Variants in CASP5 observed in about 807,000 individuals in gnomAD.
CASP5 encodes the protein caspase 5, also known as caspase-5.
Under a neutral mutation model 45.2 loss-of-function variants are expected in CASP5, and 42 were observed. The observed-to-expected ratio is 0.93, with a 90% CI of 0.73 to 1.20. The LOEUF (loss-of-function observed/expected upper bound fraction) is 1.20, where lower values mean the gene tolerates loss of function less well. CASP5 is among the 50% of genes most tolerant of loss of function. The pLI, the probability that CASP5 is intolerant of heterozygous loss-of-function variation, is 0.00. For synonymous variants in CASP5, 209 were observed against 186.2 expected, an observed-to-expected ratio of 1.12 and a Z score of -1.00; for missense variants, 512 against 532.2, an observed-to-expected ratio of 0.96 and a Z score of 0.37.
At chr11:105,019,924 C>T (rs11226589) in intron 1 of CASP5, among the ~76,000 whole-genome samples, 35,384 of 141,808 alleles carry the variant, frequency 0.25, 5,464 homozygotes, top group Non-Finnish European at 0.29. Context: ...ACTGGCAAAC[C>T]GAATCTAGCA....
chr11:104,996,665 C>T (rs1157571027), intron 8 of CASP5, among the ~76,000 whole-genome samples: 1 of 152,088 alleles, frequency 6.6e-6, no homozygotes, highest in East Asian at 1.9e-4. Context: ...ATATGTCAGG[C>T]ATATTGAGGT....
At chr11:105,009,890 CAT>C (rs1446775331) in intron 1 of CASP5, among the ~76,000 whole-genome samples, 4 of 136,318 alleles carry the variant, frequency 2.9e-5, no homozygotes, top group South Asian at 2.2e-4. Flanking sequence ...TATATATACA[CAT>C]ATATACATAT....
At chr11:105,012,428 G>C (rs888411139) in intron 1 of CASP5, among the ~76,000 whole-genome samples, 1 of 151,802 alleles carries the variant, frequency 6.6e-6, no homozygotes, top group African/African-American at 2.4e-5. Context: ...ATTAAGATAT[G>C]AGATTACATC....
In CASP5 at chr11:105,000,415, A is replaced by T. The variant is rs1326635656; in HGVS notation, c.798T>A (p.Ser266=). 2 of 1,614,194 alleles carry T rather than the reference A, an allele frequency of 1.2e-6. No homozygotes were observed. Among genetic ancestry groups the T allele is most frequent in the Admixed American group, 3.3e-5 (2 of 60,030 alleles). The change falls in exon 6 of 10, where the codon TCT becomes TCA. Residue 266 remains serine, a synonymous_variant. Coordinates refer to ENST00000260315, the MANE Select transcript of CASP5 (RefSeq NM_004347.5). ...SSDSTFLVLM[S]HGILEGICGT... ...CGCAGATTCCCTCTAGGATGCCATG[A>T]GACATGAGTACCAAGAACGTGCTGT...
intron 1 of CASP5, among the ~76,000 whole-genome samples, chr11:105,022,229 G>A (rs1863005366): frequency 1.3e-5 from 2 of 150,908 alleles, no homozygotes; most frequent in South Asian, 4.2e-4. Flanking sequence ...GTTAGTGGGT[G>A]CAGCCCACCA....
At chr11:105,003,017 G>T (rs1476996912) in intron 4 of CASP5, among the ~76,000 whole-genome samples, 1 of 142,898 alleles carries the variant, frequency 7.0e-6, no homozygotes, top group Non-Finnish European at 1.5e-5. Flanking sequence ...GACAACATAG[G>T]GAGACTATAT....
rs763136624 is a variant in CASP5 at position 105,007,210 on chromosome 11, T to C, written c.306A>G (p.Lys102=). 6.2e-7 allele frequency: 1 copy of C among 1,613,768 alleles called. No individual in the cohort carries two copies. The highest frequency in any genetic ancestry group is 2.2e-5 in the East Asian group (1 of 44,870). The change falls in exon 3 of 10, where the codon AAA becomes AAG. Residue 102 remains lysine (K), a synonymous_variant. Transcript: ENST00000260315. ...TGTCTTCAATTTTGGTATCATAATA[T>C]TTTTTCTTTTCCTCTTCCTTCAATG... The part of the protein sequence containing the change: ...VLTLKEEEKK[K]YYDTKIEDKA...
At chr11:105,015,512 A>G (rs1232057797) in intron 1 of CASP5, among the ~76,000 whole-genome samples, 1 of 152,190 alleles carries the variant, frequency 6.6e-6, no homozygotes, top group Non-Finnish European at 1.5e-5. Flanking sequence ...TTTATATAGG[A>G]TACTGTTTTT....
chr11:105,000,124 G>C, intron 6 of CASP5, 137 bp downstream of exon 6: 1 of 874,682 alleles, frequency 1.1e-6, no homozygotes, highest in South Asian at 1.7e-5. Context: ...AGCCCCTTAG[G>C]TAGAGTTTCT....
At chr11:105,006,795 A>T (rs549873467) in intron 3 of CASP5, among the ~76,000 whole-genome samples, 2 of 152,314 alleles carry the variant, frequency 1.3e-5, no homozygotes, top group African/African-American at 4.8e-5. Context: ...CATAGTTCAC[A>T]TGTGACAGAA....
rs1278722154 is a variant in CASP5 at position 105,002,142 on chromosome 11, T to C, written c.603A>G (p.Thr201=). Residue 201 remains threonine, a synonymous_variant, in exon 5 of 10, where the codon ACA becomes ACG. Transcript: ENST00000260315. ...RRRLALIICN[T]KFDHLPARNG... is the part of the protein sequence containing the mutation. ...TCCTTGCAGGCAGGTGATCAAACTT[T>C]GTATTGCATATGATGAGAGCCAGGC... 2 of 1,614,050 alleles carry C rather than the reference T, an allele frequency of 1.2e-6. No homozygotes were observed. Among genetic ancestry groups the C allele is most frequent in the Non-Finnish European group, 1.7e-6 (2 of 1,180,026 alleles).
Position 105,002,944 on chromosome 11 carries a change from T to A in CASP5, c.543+330A>T, listed in dbSNP as rs1218153998. 2.0e-5 allele frequency among the ~76,000 whole-genome samples: 3 copies of A among 152,206 alleles called. No individual in the cohort carries two copies. The East Asian group carries it at 5.8e-4, about 29-fold the overall frequency. The stretch of plus-strand genomic sequence containing the variant: ...CTGGCACTGTGGTTCCCGCCTGTAA[T>A]CCCAGTGCTTTGGGAGGCCAAGGCT... On this transcript the variant is annotated intron_variant, in intron 4 of 9. Coordinates refer to ENST00000260315, the MANE Select transcript of CASP5 (RefSeq NM_004347.5).
intron 2 of CASP5, among the ~76,000 whole-genome samples, chr11:105,008,574 A>T (rs1862117983): frequency 6.6e-6 from 1 of 152,036 alleles, no homozygotes; most frequent in South Asian, 2.1e-4. Flanking sequence ...TCTACTATTA[A>T]TTATTTCCAT....
At chr11:105,002,601 A>G (rs1861795080) in intron 4 of CASP5, among the ~76,000 whole-genome samples, 1 of 152,246 alleles carries the variant, frequency 6.6e-6, no homozygotes, top group African/African-American at 2.4e-5. Flanking sequence ...TAAACTTACA[A>G]TGATTTTCAA....
chr11:104,995,660 C>G (rs1861429488), intron 9 of CASP5, 80 bp downstream of exon 9: 6 of 839,038 alleles, frequency 7.2e-6, no homozygotes, highest in Non-Finnish European at 1.2e-5. Context: ...TATAAGCAGT[C>G]AGCTGTCATT....
intron 3 of CASP5, among the ~76,000 whole-genome samples, chr11:105,003,786 T>C (rs1861870038): frequency 6.6e-6 from 1 of 152,088 alleles, no homozygotes; most frequent in East Asian, 1.9e-4. Flanking sequence ...AGAGTGCTAT[T>C]TGAAATACAA....
chr11:104,995,940 C>G, intron 8 of CASP5, 98 bp from the exon 9 acceptor site: 1 of 754,268 alleles, frequency 1.3e-6, no homozygotes, highest in African/African-American at 1.7e-5. Context: ...AGAGAGCTTC[C>G]AGGGTTGATA....
chr11:105,005,354 A>ATGTGTGTGTGTGTG (rs1383458291), intron 3 of CASP5, among the ~76,000 whole-genome samples: 11 of 113,948 alleles, frequency 9.7e-5, no homozygotes, highest in Non-Finnish European at 1.5e-4. Context: ...GTGTATATAT[A>ATGTGTGTGTGTGTG]TATGTGTGTG....
chr11:105,011,165 T>G (rs1407674132), intron 1 of CASP5, among the ~76,000 whole-genome samples: 1 of 151,708 alleles, frequency 6.6e-6, no homozygotes, highest in Non-Finnish European at 1.5e-5. Context: ...TTGCAAAGAG[T>G]ACACAGATTA....
Sources: allele counts gnomAD v4.1 joint callset (sites outside exome capture counted in the v4.1 genomes callset), GRCh38; gene constraint gnomAD v4.1.1; transcripts MANE v1.5; gene names NCBI Gene and HGNC (gene_info 2026-07-23, HGNC 2026-07-21).